The following MEGF6 variants were observed in gnomAD, a reference collection of about 807,000 sequenced individuals.
MEGF6 encodes the protein multiple epidermal growth factor-like domains protein 6.
MEGF6 carries 184 observed loss-of-function variants against 207.1 expected under a neutral mutation model. The observed-to-expected ratio is 0.89, with a 90% CI of 0.79 to 1.00. The LOEUF (loss-of-function observed/expected upper bound fraction) is 1.00, where lower values mean the gene tolerates loss of function less well. MEGF6 is among the 50% of genes least tolerant of loss of function. The pLI, the probability that MEGF6 is intolerant of heterozygous loss-of-function variation, is 0.00. For synonymous variants in MEGF6, 1,038 were observed against 910.0 expected, an observed-to-expected ratio of 1.14 and a Z score of -2.53; for missense variants, 2,282 against 2,202.9, an observed-to-expected ratio of 1.04 and a Z score of -0.72.
Position 3,496,041 on chromosome 1 carries a change from C to T in MEGF6, c.3743-23G>A, listed in dbSNP as rs778270381. 930 of 1,494,422 alleles carry T rather than the reference C, an allele frequency of 6.2e-4. 1 individual carries two copies. Among genetic ancestry groups the T allele is most frequent in the South Asian group, 1.9e-3 (141 of 75,814 alleles). 92.6% of individuals were successfully genotyped at this position (1,494,422 alleles called of 1,614,324 possible). ...AGGCTGCCGGGGAGGAAGTGGTGAT[C>T]GTGGCTGGCTTCCCTTCTCTCCCTG... On this transcript the variant is annotated intron_variant, in intron 29 of 36. Transcript: ENST00000356575.
At chr1:3,566,680 A>G (rs922047282) in intron 4 of MEGF6, among the ~76,000 whole-genome samples, 13 of 152,074 alleles carry the variant, frequency 8.5e-5, no homozygotes, top group Non-Finnish European at 1.5e-4. Flanking sequence ...GCCCCATCAA[A>G]CAGCTGGAAA....
chr1:3,579,497 C>T (rs1012932597), intron 4 of MEGF6, among the ~76,000 whole-genome samples: 1 of 152,202 alleles, frequency 6.6e-6, no homozygotes, highest in South Asian at 2.1e-4. Context: ...CAGGTGGAGA[C>T]CCTGGGACCT....
At position 3,598,336 on chromosome 1, in the gene MEGF6, G is replaced by A. The variant is rs538765096; in HGVS notation, c.267-2889C>T. On this transcript the variant is annotated intron_variant, in intron 2 of 36. Transcript: ENST00000356575. ...CCGGCCGGCGGGCGGGCCGCTTCCC[G>A]GAAGCACGTGCTCATGCACGCGCAC... 5.3e-5 allele frequency among the ~76,000 whole-genome samples: 8 copies of A among 152,328 alleles called. No homozygotes were observed. In the East Asian group the frequency reaches 7.7e-4, roughly 15 times the overall value.
At chr1:3,502,400 C>A (rs931819162) in intron 17 of MEGF6, among the ~76,000 whole-genome samples, 1 of 151,934 alleles carries the variant, frequency 6.6e-6, no homozygotes, top group Non-Finnish European at 1.5e-5. Flanking sequence ...TCCAACCTGG[C>A]GATGCTGATC....
intron 4 of MEGF6, among the ~76,000 whole-genome samples, chr1:3,542,094 G>A (rs1057187518): frequency 1.9e-4 from 29 of 152,234 alleles, no homozygotes; most frequent in East Asian, 5.8e-4. Flanking sequence ...CCCAACCCCC[G>A]GCTGCCCCGT....
intron 11 of MEGF6, 75 bp downstream of exon 11, chr1:3,509,795 C>G (rs1641265251): frequency 1.4e-6 from 2 of 1,467,030 alleles, no homozygotes; most frequent in Admixed American, 2.5e-5. Context: ...TGGGCCAGGC[C>G]TGCGGGACGC....
At chr1:3,543,359 C>G (rs1642590661) in intron 4 of MEGF6, among the ~76,000 whole-genome samples, 1 of 152,246 alleles carries the variant, frequency 6.6e-6, no homozygotes, top group Non-Finnish European at 1.5e-5. Flanking sequence ...AGCCCGAACC[C>G]TGCGTTCGTG....
chr1:3,505,463 C>G lies in MEGF6; in HGVS notation c.2012G>C (p.Cys671Ser). 6.2e-7 allele frequency: 1 copy of G among 1,610,334 alleles called. No homozygotes were observed. Among genetic ancestry groups the G allele is most frequent in the East Asian group, 2.2e-5 (1 of 44,590 alleles). Residue 671 changes from cysteine to serine, a missense_variant, in exon 16 of 37, where the codon TGC (cysteine) becomes TCC (serine). Transcript: ENST00000356575. ...GCCCCGGAAGCCAGCCTTGCAGGAG[C>G]AGCTGCCATCCCTCTTGTCACAGGA... ...TQSCDKRDGS[C>S]SCKAGFRGER...
chr1:3,490,657 G>T, intron 36 of MEGF6, 68 bp from the exon 37 acceptor site: 1 of 1,546,770 alleles, frequency 6.5e-7, no homozygotes, highest in South Asian at 1.2e-5. Context: ...ACTGGGTTCT[G>T]GGTTGGCACC....
At chr1:3,602,959 G>A (rs561484821) in intron 1 of MEGF6, among the ~76,000 whole-genome samples, 2 of 152,286 alleles carry the variant, frequency 1.3e-5, no homozygotes, top group Admixed American at 6.5e-5. Flanking sequence ...GACCAAGCGC[G>A]GGCCCATTCT....
In MEGF6 at chr1:3,501,560, G is replaced by C. The variant is rs562893278; in HGVS notation, c.2314+236C>G. 2.9e-4 allele frequency among the ~76,000 whole-genome samples: 44 copies of C among 152,252 alleles called. 1 individual carries two copies. Among genetic ancestry groups the C allele is most frequent in the Admixed American group, 2.4e-3 (36 of 15,306 alleles). On this transcript the variant is annotated intron_variant, in intron 18 of 36. Coordinates refer to ENST00000356575, the MANE Select transcript of MEGF6 (RefSeq NM_001409.4). ...AACACAAGGAGCCGAGCCCGTTAGAGATGGAGCCTCATGCAGAGAGGGAGC... is the reference window on the plus strand; with the variant it reads ...AACACAAGGAGCCGAGCCCGTTAGACATGGAGCCTCATGCAGAGAGGGAGC...
intron 4 of MEGF6, among the ~76,000 whole-genome samples, chr1:3,525,683 G>A (rs921474721): frequency 2.0e-5 from 3 of 152,252 alleles, no homozygotes; most frequent in Non-Finnish European, 4.4e-5. Context: ...CCCCCGGGAT[G>A]CACCATGAGC....
intron 4 of MEGF6, among the ~76,000 whole-genome samples, chr1:3,561,213 G>A (rs1234397876): frequency 1.3e-5 from 2 of 152,216 alleles, no homozygotes; most frequent in African/African-American, 4.8e-5. Context: ...TCCAGGCAAT[G>A]GGCAAGGGAG....
intron 4 of MEGF6, among the ~76,000 whole-genome samples, chr1:3,528,604 G>A (rs1400961052): frequency 6.6e-6 from 1 of 152,202 alleles, no homozygotes; most frequent in Non-Finnish European, 1.5e-5. Flanking sequence ...TGATCACAGG[G>A]TCCTTATAAG....
At chr1:3,506,771 C>T (rs80063192) in intron 14 of MEGF6, among the ~76,000 whole-genome samples, 333 of 152,300 alleles carry the variant, frequency 2.2e-3, no homozygotes, top group African/African-American at 7.8e-3. Context: ...ACATACACGT[C>T]CTAGTCCCCA....
intron 30 of MEGF6, among the ~76,000 whole-genome samples, chr1:3,495,022 GTTCACAGAAGGC>G (rs1640542222): frequency 6.6e-6 from 1 of 152,320 alleles, no homozygotes; most frequent in Admixed American, 6.5e-5. Flanking sequence ...GCAGGAAGGG[GTTCACAGAAGGC>G]TTCACGGAGG....
At chr1:3,585,891 T>G (rs1297588941) in intron 3 of MEGF6, among the ~76,000 whole-genome samples, 4 of 146,230 alleles carry the variant, frequency 2.7e-5, no homozygotes, top group Admixed American at 2.7e-4. Context: ...ACATGTCCTG[T>G]GTGTGGACAC....
chr1:3,515,705 G>A (rs1641518842), intron 5 of MEGF6, among the ~76,000 whole-genome samples, 178 bp from the exon 6 acceptor site: 2 of 152,198 alleles, frequency 1.3e-5, no homozygotes, highest in South Asian at 4.1e-4. Context: ...TCCCTGCCCG[G>A]CTCACAGGCC....
chr1:3,500,711 C>T lies in MEGF6; in HGVS notation c.2629G>A (p.Ala877Thr), dbSNP rs56955077. 8.3e-4 allele frequency: 1,329 copies of T among 1,593,064 alleles called. 26 individuals are homozygous for T. The East Asian group carries it at 0.02, about 24-fold the overall frequency. Residue 877 changes from alanine to threonine, a missense_variant, in exon 21 of 37, where the codon GCT becomes ACT. Physicochemically the swap from Ala to Thr is moderately conservative, Grantham distance 58. Transcript: ENST00000356575. ...PDCSHPCNCS[A>T]GHGSCDAISG... ...ATGGCATCACAGCTCCCGTGGCCAG[C>T]GCTGCAGTTGCAGGGGTGGCTGCAG...
Sources: allele counts gnomAD v4.1 joint callset (sites outside exome capture counted in the v4.1 genomes callset), GRCh38; gene constraint gnomAD v4.1.1; transcripts MANE v1.5; gene names NCBI Gene and HGNC (gene_info 2026-07-23, HGNC 2026-07-21).